Variants in TRDN observed in about 807,000 individuals in gnomAD.
TRDN encodes the protein triadin in skeletal muscle.
Under a neutral mutation model 149.7 loss-of-function variants are expected in TRDN, and 161 were observed. The observed-to-expected ratio is 1.08, with a 90% CI of 0.95 to 1.23. TRDN has a LOEUF of 1.23. Among genes scored for constraint, TRDN ranks in the 50% most tolerant of loss-of-function variants. TRDN has a pLI of 0.00. For synonymous variants in TRDN, 294 were observed against 250.5 expected, an observed-to-expected ratio of 1.17 and a Z score of -1.64; for missense variants, 896 against 823.5, an observed-to-expected ratio of 1.09 and a Z score of -1.08.
intron 9 of TRDN, among the ~76,000 whole-genome samples, chr6:123,473,738 C>T (rs1402364505): frequency 1.1e-4 from 16 of 151,924 alleles, no homozygotes; most frequent in East Asian, 1.9e-4. Context: ...AGACTAACAG[C>T]GGATCTCTCG....
chr6:123,235,257 A>T (rs201328438), intron 38 of TRDN, among the ~76,000 whole-genome samples: 1 of 152,058 alleles, frequency 6.6e-6, no homozygotes, highest in East Asian at 1.9e-4. Context: ...GACTGATGAG[A>T]TCATCAGCTA....
intron 1 of TRDN, among the ~76,000 whole-genome samples, chr6:123,624,948 C>T (rs1160278373): frequency 1.3e-5 from 2 of 152,032 alleles, no homozygotes; most frequent in Non-Finnish European, 2.9e-5. Flanking sequence ...GTGTGCCTGA[C>T]CGAAAATTTA....
intron 24 of TRDN, among the ~76,000 whole-genome samples, chr6:123,296,122 T>C (rs1778185078): frequency 6.6e-6 from 1 of 152,190 alleles, no homozygotes; most frequent in Non-Finnish European, 1.5e-5. Flanking sequence ...TTTACTGCTC[T>C]TTAAGACATC....
At chr6:123,340,512 TA>T (rs1236029012) in intron 21 of TRDN, among the ~76,000 whole-genome samples, 1 of 152,042 alleles carries the variant, frequency 6.6e-6, no homozygotes, top group Non-Finnish European at 1.5e-5. Flanking sequence ...TAAAGGATTC[TA>T]ACAAAATTAT....
At chr6:123,575,671 CACTT>C (rs1233442008) in intron 1 of TRDN, among the ~76,000 whole-genome samples, 5 of 151,978 alleles carry the variant, frequency 3.3e-5, no homozygotes, top group Non-Finnish European at 7.4e-5. Context: ...GTAGGGATCT[CACTT>C]AATGGCCATG....
chr6:123,480,506 T>A (rs912405561), intron 9 of TRDN, among the ~76,000 whole-genome samples: 5 of 152,122 alleles, frequency 3.3e-5, no homozygotes, highest in Non-Finnish European at 7.4e-5. Context: ...TATTCCTGAA[T>A]ATGGGTACAT....
intron 8 of TRDN, chr6:123,503,115 T>C: frequency 3.0e-6 from 3 of 985,358 alleles, no homozygotes; most frequent in Non-Finnish European, 3.6e-6. Context: ...TGGCGAAATA[T>C]GTCACATTCA....
chr6:123,613,464 A>C (rs1784911620), intron 1 of TRDN, among the ~76,000 whole-genome samples: 1 of 152,198 alleles, frequency 6.6e-6, no homozygotes, highest in South Asian at 2.1e-4. Flanking sequence ...AGGTAACACT[A>C]TTAATTAATC....
Position 123,218,606 on chromosome 6 carries a change from G to A in TRDN, c.2185C>T (p.Gln729Ter), listed in dbSNP as rs769741426. ...ANSPGQKQQG[Q>*] ...TAAGGGTCATACATGTGTGTTTACTGTCCTTGTTGCTTCTGTCCTGGAGAA... is the reference window on the plus strand; with the variant it reads ...TAAGGGTCATACATGTGTGTTTACTATCCTTGTTGCTTCTGTCCTGGAGAA... Residue 729 changes from glutamine to a stop codon, truncating the protein, a stop_gained, in exon 41 of 41, where the codon CAG becomes TAG. Coordinates refer to ENST00000334268, the MANE Select transcript of TRDN (RefSeq NM_006073.4). LOFTEE classifies it high-confidence loss of function. The A allele has an allele frequency of 6.8e-6, 11 of 1,611,332 alleles. No individual in the cohort carries two copies. In the East Asian group the frequency reaches 2.2e-4, roughly 33 times the overall value.
intron 12 of TRDN, among the ~76,000 whole-genome samples, chr6:123,415,731 T>G (rs541046077): frequency 6.6e-6 from 1 of 152,304 alleles, no homozygotes; most frequent in Admixed American, 6.5e-5. Context: ...CAATGGTACC[T>G]CAGTGATAAG....
At chr6:123,420,654 C>G (rs976326194) in intron 12 of TRDN, among the ~76,000 whole-genome samples, 1 of 152,084 alleles carries the variant, frequency 6.6e-6, no homozygotes, top group Non-Finnish European at 1.5e-5. Context: ...GGATATAAAA[C>G]TAAAAATACA....
intron 19 of TRDN, among the ~76,000 whole-genome samples, chr6:123,374,347 AG>A (rs1354891553): frequency 6.6e-6 from 1 of 152,100 alleles, no homozygotes; most frequent in Non-Finnish European, 1.5e-5. Context: ...TTCAATCTAA[AG>A]CTCTCTCCCA....
At chr6:123,260,311 C>T (rs896040125) in intron 34 of TRDN, among the ~76,000 whole-genome samples, 1 of 151,960 alleles carries the variant, frequency 6.6e-6, no homozygotes, top group African/African-American at 2.4e-5. Flanking sequence ...AAATGTGGAT[C>T]CAGTTTTCAA....
At chr6:123,416,875 G>C (rs1398750620) in intron 12 of TRDN, among the ~76,000 whole-genome samples, 1 of 152,056 alleles carries the variant, frequency 6.6e-6, no homozygotes. Flanking sequence ...CTAATTTTTT[G>C]TATTTTTAAT....
chr6:123,543,979 G>T (rs1780983742), intron 4 of TRDN, among the ~76,000 whole-genome samples: 2 of 151,852 alleles, frequency 1.3e-5, no homozygotes, highest in Admixed American at 1.3e-4. Context: ...CATATTCTGT[G>T]ATTTCACATC....
At chr6:123,259,248 T>C (rs185919222) in intron 35 of TRDN, among the ~76,000 whole-genome samples, 3 of 152,218 alleles carry the variant, frequency 2.0e-5, no homozygotes, top group African/African-American at 7.2e-5. Context: ...TGATTTTAGA[T>C]CTTTCCCACT....
At chr6:123,327,919 C>T (rs1451811729) in intron 23 of TRDN, among the ~76,000 whole-genome samples, 3 of 151,988 alleles carry the variant, frequency 2.0e-5, no homozygotes, top group Admixed American at 6.6e-5. Context: ...ATTTGTAATG[C>T]TATATAAATG....
intron 16 of TRDN, among the ~76,000 whole-genome samples, chr6:123,379,316 T>C (rs779443202): frequency 6.6e-6 from 1 of 152,130 alleles, no homozygotes. Flanking sequence ...AAGACAGCCT[T>C]TAAGCAGCAA....
At position 123,321,315 on chromosome 6, in the gene TRDN, T is replaced by C. The variant is rs73551240; in HGVS notation, c.1472-4820A>G. Reference sequence around the variant, plus strand: ...GAGGTCAATCATTTCACTGATATTTTAAACTACTTTTCTCGCACTTTTCTA... The same window carrying C: ...GAGGTCAATCATTTCACTGATATTTCAAACTACTTTTCTCGCACTTTTCTA... On this transcript the variant is annotated intron_variant, in intron 23 of 40. Transcript: ENST00000334268. Among the ~76,000 whole-genome samples, 1,369 of 152,270 alleles carry C rather than the reference T, an allele frequency of 9.0e-3. 10 individuals carry two copies. Among genetic ancestry groups the C allele is most frequent in the Non-Finnish European group, 0.014 (957 of 68,022 alleles).
Sources: gnomAD v4.1 joint callset for allele counts (sites outside exome capture counted in the v4.1 genomes callset) on GRCh38, gnomAD v4.1.1 for gene constraint, MANE v1.5 for transcripts, NCBI Gene and HGNC (gene_info 2026-07-23, HGNC 2026-07-21) for gene names.